Variants in GALNT14 observed in about 807,000 individuals in gnomAD.
GALNT14 encodes the protein UDP-GalNAc:polypeptide N-acetylgalactosaminyltransferase 14.
GALNT14 carries 60 observed loss-of-function variants against 77.5 expected under a neutral mutation model. The observed-to-expected ratio is 0.77, with a 90% CI of 0.63 to 0.96. The LOEUF (loss-of-function observed/expected upper bound fraction) is 0.96. Ranked by LOEUF, GALNT14 falls within the 40% of genes least tolerant of loss-of-function variation. GALNT14 has a pLI of 0.00. For synonymous variants in GALNT14, 280 were observed against 281.7 expected (o/e 0.99, Z 0.06); for missense variants, 710 against 731.0 (o/e 0.97, Z 0.33).
At chr2:30,943,223 T>G (rs1435260192) in intron 8 of GALNT14, among the ~76,000 whole-genome samples, 1 of 152,138 alleles carries the variant, frequency 6.6e-6, no homozygotes, top group Admixed American at 6.5e-5. Context: ...TTTTTTTCCT[T>G]TTCTTCGTCC....
In GALNT14 at chr2:31,015,141, C is replaced by T. The variant is rs368031573; in HGVS notation, c.130-22134G>A. On this transcript the variant is annotated intron_variant, in intron 1 of 14. Transcript: ENST00000349752. ...CTCATCTCTACTAAAAATACAAAAA[C>T]GTTAGCTGGGCATAGTGGTGCACTC... 1.0e-3 allele frequency among the ~76,000 whole-genome samples: 153 copies of T among 151,920 alleles called. 2 individuals carry two copies. In the South Asian group the frequency reaches 0.019, roughly 18 times the overall value.
chr2:30,908,970 A>G (rs1005299748), downstream of GALNT14, among the ~76,000 whole-genome samples: 7 of 151,890 alleles, frequency 4.6e-5, no homozygotes, highest in Non-Finnish European at 1.0e-4. Context: ...AGGATTTGCT[A>G]TTTAATAAAT....
Position 31,089,858 on chromosome 2 carries a change from G to A in GALNT14, c.129+48100C>T, listed in dbSNP as rs1396586840. The stretch of plus-strand genomic sequence containing the variant: ...TGTTTATACCTGAAAGACAGCAGAG[G>A]GAGCTTGTTCTCAAAGGCCTCCCCA... On this transcript the variant is annotated intron_variant, in intron 1 of 14. Transcript: ENST00000349752. Among the ~76,000 whole-genome samples the A allele has an allele frequency of 3.9e-5, 6 of 152,266 alleles. No homozygotes were observed. In the East Asian group the frequency reaches 1.2e-3, roughly 29 times the overall value.
chr2:31,092,917 G>A (rs57082557), intron 1 of GALNT14, among the ~76,000 whole-genome samples: 278 of 152,262 alleles, frequency 1.8e-3, no homozygotes, highest in African/African-American at 6.5e-3. Context: ...CTAATAGATT[G>A]CCCATTTTGC....
intron 9 of GALNT14, among the ~76,000 whole-genome samples, chr2:30,937,746 T>C (rs1228420259): frequency 6.6e-6 from 1 of 152,204 alleles, no homozygotes; most frequent in Non-Finnish European, 1.5e-5. Context: ...CACTGATTAA[T>C]GACCCGAAAC....
intron 1 of GALNT14, among the ~76,000 whole-genome samples, chr2:31,044,653 CA>C (rs1673315996): frequency 7.7e-6 from 1 of 129,152 alleles, no homozygotes; most frequent in East Asian, 2.6e-4. Flanking sequence ...TGAGGTGACT[CA>C]TGCCTATAAT....
intron 1 of GALNT14, among the ~76,000 whole-genome samples, chr2:31,033,562 A>G (rs539794535): frequency 6.6e-6 from 1 of 152,124 alleles, no homozygotes; most frequent in South Asian, 2.1e-4. Context: ...ATACCTCCCC[A>G]TCCCAAGACT....
chr2:30,944,023 G>A (rs1289186737), intron 8 of GALNT14, among the ~76,000 whole-genome samples: 1 of 152,166 alleles, frequency 6.6e-6, no homozygotes, highest in Non-Finnish European at 1.5e-5. Flanking sequence ...GCTAGTCCTG[G>A]GCATCCCTAA....
the GALNT14 span, among the ~76,000 whole-genome samples, chr2:30,887,358 T>C: frequency 6.6e-6 from 1 of 152,216 alleles, no homozygotes; most frequent in Non-Finnish European, 1.5e-5. Context: ...CGGTTTCAAT[T>C]TCTTCATATC....
rs1053874640 is a variant in GALNT14 at position 30,977,054 on chromosome 2, C to T, written c.300-10752G>A. Reference sequence around the variant, plus strand: ...GCCCTTTGAAGATTATCCACACTCACTGCCTCTGAAACCTTTATTCCATAT... The same window carrying T: ...GCCCTTTGAAGATTATCCACACTCATTGCCTCTGAAACCTTTATTCCATAT... On this transcript the variant is annotated intron_variant, in intron 2 of 14. Coordinates refer to ENST00000349752, the MANE Select transcript of GALNT14 (RefSeq NM_024572.4). Among the ~76,000 whole-genome samples, 3 of 151,538 alleles carry T rather than the reference C, an allele frequency of 2.0e-5. No homozygotes were observed. In the East Asian group the frequency reaches 5.8e-4, roughly 29 times the overall value.
chr2:30,927,274 G>A (rs914194799), intron 11 of GALNT14, among the ~76,000 whole-genome samples: 2 of 152,182 alleles, frequency 1.3e-5, no homozygotes, highest in Admixed American at 1.3e-4. Flanking sequence ...ACTCCCCAGG[G>A]AACTCTGATA....
chr2:31,000,018 C>T (rs992816742), intron 1 of GALNT14, among the ~76,000 whole-genome samples: 5 of 152,192 alleles, frequency 3.3e-5, no homozygotes, highest in African/African-American at 9.7e-5. Flanking sequence ...TGTGGTAAAG[C>T]CATGGCCTAG....
At position 31,056,856 on chromosome 2, in the gene GALNT14, G is replaced by A. The variant is rs552306176; in HGVS notation, c.130-63849C>T. ...TCAAAATACTTGCAACACTACACACGATCGCAAACACATGGAATCAACTTA... is the reference window on the plus strand; with the variant it reads ...TCAAAATACTTGCAACACTACACACAATCGCAAACACATGGAATCAACTTA... On this transcript the variant is annotated intron_variant, in intron 1 of 14. Coordinates refer to ENST00000349752, the MANE Select transcript of GALNT14 (RefSeq NM_024572.4). 2.6e-5 allele frequency among the ~76,000 whole-genome samples: 4 copies of A among 152,176 alleles called. No homozygotes were observed. In the South Asian group the frequency reaches 8.3e-4, roughly 32 times the overall value.
intron 13 of GALNT14, among the ~76,000 whole-genome samples, chr2:30,919,896 G>T (rs1280910044): frequency 6.6e-6 from 1 of 152,160 alleles, no homozygotes; most frequent in Admixed American, 6.5e-5. Context: ...CATAACATAA[G>T]GGAGGGGACT....
chr2:30,980,676 G>A (rs1025252401), intron 2 of GALNT14, among the ~76,000 whole-genome samples: 3 of 152,212 alleles, frequency 2.0e-5, no homozygotes, highest in Non-Finnish European at 2.9e-5. Context: ...AACCAGTTAC[G>A]TTGCCTGGGT....
At chr2:30,995,428 G>A (rs139393476) in intron 1 of GALNT14, among the ~76,000 whole-genome samples, 3 of 152,248 alleles carry the variant, frequency 2.0e-5, no homozygotes, top group African/African-American at 7.2e-5. Context: ...TATGTGTGTG[G>A]TAGGCTCTAC....
chr2:31,130,461 G>A (rs1678919828), intron 1 of GALNT14, among the ~76,000 whole-genome samples: 1 of 152,214 alleles, frequency 6.6e-6, no homozygotes. Flanking sequence ...TCAGGGGACA[G>A]AAGAAGAATG....
intron 3 of GALNT14, among the ~76,000 whole-genome samples, chr2:30,959,936 C>G (rs1232545931): frequency 6.6e-6 from 1 of 152,200 alleles, no homozygotes; most frequent in African/African-American, 2.4e-5. Flanking sequence ...GGTGGAGGCG[C>G]TGTATGCAGC....
chr2:31,005,567 AT>A (rs1670622084), intron 1 of GALNT14, among the ~76,000 whole-genome samples: 1 of 152,202 alleles, frequency 6.6e-6, no homozygotes, highest in Non-Finnish European at 1.5e-5. Flanking sequence ...GGTTACTATT[AT>A]TTCTTTTGGT....
Sources: allele counts gnomAD v4.1 joint callset (sites outside exome capture counted in the v4.1 genomes callset), GRCh38; gene constraint gnomAD v4.1.1; transcripts MANE v1.5; gene names NCBI Gene and HGNC (gene_info 2026-07-23, HGNC 2026-07-21).